CFAP299: variants seen among roughly 807,000 people sequenced by gnomAD.
CFAP299 encodes the protein cilia- and flagella-associated protein 299.
In CFAP299, 21 loss-of-function variants were observed where a neutral mutation model predicts 27.0. The ratio of observed to expected loss-of-function variants is 0.78; its 90% CI spans 0.55 to 1.12. CFAP299 has a LOEUF of 1.12. Among genes scored for constraint, CFAP299 ranks in the 50% most tolerant of loss-of-function variants. The pLI is 0.00. For synonymous variants in CFAP299, 104 were observed against 98.1 expected (o/e 1.06, Z -0.36); for missense variants, 310 against 276.6 (o/e 1.12, Z -0.86).
At chr4:80,449,506 G>T (rs1050871157) in intron 2 of CFAP299, among the ~76,000 whole-genome samples, 2 of 151,476 alleles carry the variant, frequency 1.3e-5, no homozygotes, top group Non-Finnish European at 2.9e-5. Flanking sequence ...GGTTTAGAGG[G>T]TTTATTTCTA....
At chr4:80,825,609 T>TA (rs968966189) in intron 3 of CFAP299, among the ~76,000 whole-genome samples, 89 of 150,706 alleles carry the variant, frequency 5.9e-4, no homozygotes, top group Middle Eastern at 3.4e-3. Context: ...GGTGCTCAAA[T>TA]AAAAAAAAAG....
intron 5 of CFAP299, among the ~76,000 whole-genome samples, chr4:80,949,533 A>AC (rs1369588101): frequency 1.5e-3 from 41 of 28,092 alleles, no homozygotes; most frequent in Non-Finnish European, 4.6e-3. Context: ...ATAAAATTTA[A>AC]AAACAACAAC....
intron 2 of CFAP299, among the ~76,000 whole-genome samples, chr4:80,521,562 A>C (rs1472892327): frequency 6.6e-6 from 1 of 152,140 alleles, no homozygotes; most frequent in Non-Finnish European, 1.5e-5. Flanking sequence ...GCAGATCCTA[A>C]AACTTTATCA....
At chr4:80,559,142 C>CT (rs1168901947) in intron 2 of CFAP299, among the ~76,000 whole-genome samples, 1 of 152,108 alleles carries the variant, frequency 6.6e-6, no homozygotes, top group African/African-American at 2.4e-5. Context: ...ATCTCCTCAG[C>CT]TGGGAATGGC....
At chr4:80,436,643 T>C (rs2110082891) in intron 2 of CFAP299, among the ~76,000 whole-genome samples, 1 of 152,298 alleles carries the variant, frequency 6.6e-6, no homozygotes, top group East Asian at 1.9e-4. Context: ...CCTTTCTGCC[T>C]CCCTTTCTCC....
rs541470036 is a variant in CFAP299, at chr4:80,899,575, G to T, written c.476+29440G>T. 6.6e-5 allele frequency among the ~76,000 whole-genome samples: 10 copies of T among 152,180 alleles called. No individual in the cohort carries two copies. In the South Asian group the frequency reaches 1.9e-3, roughly 28 times the overall value. ...CCTGTTGACTAAAATGAGCATGAAA[G>T]GCAAGGACAGACCAAGTGAACTTGA... On this transcript the variant is annotated intron_variant, in intron 4 of 5. Coordinates refer to ENST00000358105, the MANE Select transcript of CFAP299 (RefSeq NM_152770.3).
At chr4:80,459,302 A>G (rs913611449) in intron 2 of CFAP299, among the ~76,000 whole-genome samples, 3 of 152,158 alleles carry the variant, frequency 2.0e-5, no homozygotes, top group African/African-American at 7.2e-5. Context: ...GCTTCTTATG[A>G]AGACAAACTC....
intron 3 of CFAP299, among the ~76,000 whole-genome samples, chr4:80,597,145 C>T (rs1200733626): frequency 6.6e-6 from 1 of 152,000 alleles, no homozygotes; most frequent in Non-Finnish European, 1.5e-5. Flanking sequence ...CTAGATAATG[C>T]CAAATATTTT....
At chr4:80,625,508 CAGTAGTAA>C (rs1738841698) in intron 3 of CFAP299, among the ~76,000 whole-genome samples, 1 of 151,854 alleles carries the variant, frequency 6.6e-6, no homozygotes, top group South Asian at 2.1e-4. Context: ...AACAAGATGG[CAGTAGTAA>C]ATCCTTACCT....
At chr4:80,904,140 T>C (rs927357229) in intron 4 of CFAP299, among the ~76,000 whole-genome samples, 43 of 152,288 alleles carry the variant, frequency 2.8e-4, no homozygotes, top group Middle Eastern at 6.8e-3. Flanking sequence ...TTTTTGGAAA[T>C]GTTACATGCA....
At chr4:80,369,501 T>C (rs1039372213) in intron 2 of CFAP299, among the ~76,000 whole-genome samples, 2 of 152,244 alleles carry the variant, frequency 1.3e-5, no homozygotes, top group African/African-American at 4.8e-5. Context: ...CTCAGGCCCA[T>C]GTTGATACAT....
intron 5 of CFAP299, among the ~76,000 whole-genome samples, chr4:80,953,150 G>A (rs1327385946): frequency 6.6e-6 from 1 of 152,156 alleles, no homozygotes; most frequent in Non-Finnish European, 1.5e-5. Flanking sequence ...TCTCAGAAAT[G>A]TTTCTGCAAA....
At chr4:80,948,619 T>C (rs1472290523) in intron 5 of CFAP299, among the ~76,000 whole-genome samples, 1 of 151,958 alleles carries the variant, frequency 6.6e-6, no homozygotes, top group African/African-American at 2.4e-5. Flanking sequence ...GGTCTAAAAC[T>C]GGCATGAACC....
At chr4:80,862,535 A>G (rs1391120373) in intron 3 of CFAP299, among the ~76,000 whole-genome samples, 1 of 152,178 alleles carries the variant, frequency 6.6e-6, no homozygotes, top group African/African-American at 2.4e-5. Context: ...TTCTTATGGT[A>G]AATAACTACA....
At chr4:80,801,868 G>C (rs1333626687) in intron 3 of CFAP299, among the ~76,000 whole-genome samples, 1 of 152,066 alleles carries the variant, frequency 6.6e-6, no homozygotes, top group African/African-American at 2.4e-5. Flanking sequence ...TCACATTCAA[G>C]CTCCTGTAAA....
At chr4:80,657,861 G>A (rs1350854416) in intron 3 of CFAP299, among the ~76,000 whole-genome samples, 1 of 152,092 alleles carries the variant, frequency 6.6e-6, no homozygotes, top group Non-Finnish European at 1.5e-5. Context: ...CTATCCATGA[G>A]CATAGAACGT....
At chr4:80,564,081 A>G (rs1481401908) in intron 2 of CFAP299, among the ~76,000 whole-genome samples, 1 of 152,056 alleles carries the variant, frequency 6.6e-6, no homozygotes, top group African/African-American at 2.4e-5. Context: ...TGATGGCTTC[A>G]CTGTTAAATT....
chr4:80,903,618 A>G (rs1428553255), intron 4 of CFAP299, among the ~76,000 whole-genome samples: 1 of 152,064 alleles, frequency 6.6e-6, no homozygotes, highest in Non-Finnish European at 1.5e-5. Context: ...TATTGGCAAT[A>G]TGAAAATTCA....
chr4:80,908,705 A>G (rs1735309667), intron 4 of CFAP299, among the ~76,000 whole-genome samples: 1 of 152,198 alleles, frequency 6.6e-6, no homozygotes, highest in Admixed American at 6.5e-5. Context: ...CTCAGGTAAT[A>G]CTGCTAAGTT....
Sources: gnomAD v4.1 joint callset for allele counts (sites outside exome capture counted in the v4.1 genomes callset) on GRCh38, gnomAD v4.1.1 for gene constraint, MANE v1.5 for transcripts, NCBI Gene and HGNC (gene_info 2026-07-23, HGNC 2026-07-21) for gene names.